AGBL4: variants seen among roughly 807,000 people sequenced by gnomAD.
AGBL4 encodes the protein AGBL carboxypeptidase 4, also known as cytosolic carboxypeptidase 6.
Under a neutral mutation model 66.4 loss-of-function variants are expected in AGBL4, and 58 were observed. The observed-to-expected ratio is 0.87, with a 90% CI of 0.71 to 1.09. The LOEUF (loss-of-function observed/expected upper bound fraction) is 1.09, where lower values mean the gene tolerates loss of function less well. Ranked by LOEUF, AGBL4 falls within the 50% of genes least tolerant of loss-of-function variation. AGBL4 has a pLI of 0.00. For synonymous variants in AGBL4, 234 were observed against 222.9 expected, an observed-to-expected ratio of 1.05 and a Z score of -0.44; for missense variants, 579 against 631.0, an observed-to-expected ratio of 0.92 and a Z score of 0.88.
rs373322073 is a variant in AGBL4 at position 48,852,402 on chromosome 1, T to C, written c.634+14789A>G. On this transcript the variant is annotated intron_variant, in intron 6 of 13. Transcript: ENST00000371839. The stretch of plus-strand genomic sequence containing the variant: ...TTTGATGATGTTTTAGACCAGAGCA[T>C]GAAGGATGTGTACCACCCTCCGTGA... 8.5e-5 allele frequency among the ~76,000 whole-genome samples: 13 copies of C among 152,274 alleles called. 1 individual carries two copies. The highest frequency in any genetic ancestry group is 3.1e-4 in the African/African-American group (13 of 41,554).
intron 2 of AGBL4, among the ~76,000 whole-genome samples, chr1:49,748,528 T>TAATGGGATGGCTGGGTCA (rs1651184921): frequency 6.6e-6 from 1 of 152,224 alleles, no homozygotes; most frequent in Non-Finnish European, 1.5e-5. Flanking sequence ...ATATACCCAG[T>TAATGGGATGGCTGGGTCA]AATGGGATGG....
chr1:49,681,865 T>G (rs1646700397), intron 3 of AGBL4, among the ~76,000 whole-genome samples: 1 of 152,122 alleles, frequency 6.6e-6, no homozygotes, highest in Non-Finnish European at 1.5e-5. Context: ...AGTAAAAGAG[T>G]AAATGCCATG....
intron 5 of AGBL4, among the ~76,000 whole-genome samples, chr1:48,917,665 T>G (rs1417386204): frequency 6.6e-6 from 1 of 152,266 alleles, no homozygotes; most frequent in South Asian, 2.1e-4. Context: ...CAGATTTATA[T>G]CAACAAATGT....
chr1:49,614,856 C>T (rs1271605873), intron 3 of AGBL4, among the ~76,000 whole-genome samples: 1 of 152,040 alleles, frequency 6.6e-6, no homozygotes, highest in Non-Finnish European at 1.5e-5. Flanking sequence ...TCTGTATCAA[C>T]CTTAAGGTGT....
Position 49,875,142 on chromosome 1 carries a change from TTAC to T in AGBL4, c.35-23627_35-23625del, listed in dbSNP as rs1362137440. 4.1e-5 allele frequency among the ~76,000 whole-genome samples: 6 copies of T among 146,284 alleles called. No individual in the cohort carries two copies. In the South Asian group the frequency reaches 1.3e-3, roughly 32 times the overall value. ...ATTTCCAATTTCTTTTTTTTTATTA[TTAC>T]TATTATTATTATTATTATTTTTAAT... On this transcript the variant is annotated intron_variant, in intron 1 of 13. Transcript: ENST00000371839.
At chr1:48,879,448 T>C (rs931628260) in intron 5 of AGBL4, among the ~76,000 whole-genome samples, 2 of 152,094 alleles carry the variant, frequency 1.3e-5, no homozygotes, top group African/African-American at 4.8e-5. Context: ...CAGAATATTC[T>C]AAAATTCCCT....
chr1:50,003,196 T>C (rs916695192), intron 1 of AGBL4, among the ~76,000 whole-genome samples: 1 of 152,204 alleles, frequency 6.6e-6, no homozygotes, highest in African/African-American at 2.4e-5. Flanking sequence ...TAAAGCTATA[T>C]AAAAGTTAAC....
intron 4 of AGBL4, among the ~76,000 whole-genome samples, chr1:49,062,892 G>T (rs939129546): frequency 6.6e-6 from 1 of 152,050 alleles, no homozygotes; most frequent in Non-Finnish European, 1.5e-5. Context: ...CTACACTATT[G>T]ATCTTCACAC....
chr1:49,450,044 C>G (rs375055963), intron 3 of AGBL4, among the ~76,000 whole-genome samples: 1 of 151,998 alleles, frequency 6.6e-6, no homozygotes, highest in African/African-American at 2.4e-5. Flanking sequence ...CCAACACACA[C>G]GAAATATTTC....
chr1:49,772,693 A>C (rs1328339051), intron 2 of AGBL4, among the ~76,000 whole-genome samples: 1 of 152,164 alleles, frequency 6.6e-6, no homozygotes, highest in Non-Finnish European at 1.5e-5. Context: ...GCTGGCTAGC[A>C]AGGTTTCTGC....
At chr1:48,661,091 G>C (rs1158219519) in intron 7 of AGBL4, among the ~76,000 whole-genome samples, 3 of 147,416 alleles carry the variant, frequency 2.0e-5, no homozygotes, top group African/African-American at 7.4e-5. Flanking sequence ...ACCAGCCCTA[G>C]ACCTTACACA....
intron 2 of AGBL4, among the ~76,000 whole-genome samples, chr1:49,788,469 T>A (rs1328676202): frequency 6.9e-6 from 1 of 145,726 alleles, no homozygotes; most frequent in Non-Finnish European, 1.5e-5. Context: ...ATGGCCCAGA[T>A]TTGGGCTTTT....
chr1:48,914,263 CTA>C (rs781116902), intron 5 of AGBL4, among the ~76,000 whole-genome samples: 1 of 152,100 alleles, frequency 6.6e-6, no homozygotes, highest in Non-Finnish European at 1.5e-5. Flanking sequence ...CAGCAGAATG[CTA>C]TGTCACAGTA....
At chr1:48,763,865 G>A (rs891643934) in intron 6 of AGBL4, among the ~76,000 whole-genome samples, 1 of 152,212 alleles carries the variant, frequency 6.6e-6, no homozygotes, top group African/African-American at 2.4e-5. Context: ...TAGGAATACA[G>A]GAGGGGCAGG....
intron 3 of AGBL4, among the ~76,000 whole-genome samples, chr1:49,276,553 G>A (rs1342247955): frequency 4.6e-5 from 7 of 152,170 alleles, no homozygotes; most frequent in Non-Finnish European, 8.8e-5. Context: ...GATACAGCCA[G>A]GCCTTCCCTT....
chr1:49,697,540 A>G (rs1647010497), intron 2 of AGBL4, 103 bp from the exon 3 acceptor site: 5 of 960,006 alleles, frequency 5.2e-6, no homozygotes, highest in African/African-American at 1.6e-5. Context: ...ATTTGTCAAC[A>G]TTCAGTACTT....
intron 5 of AGBL4, among the ~76,000 whole-genome samples, chr1:48,989,323 G>A (rs540637896): frequency 8.5e-4 from 129 of 151,982 alleles, no homozygotes; most frequent in African/African-American, 2.8e-3. Context: ...ATCACATCAA[G>A]GTAAATGGGG....
chr1:48,965,570 G>A (rs1456076951), intron 5 of AGBL4, among the ~76,000 whole-genome samples: 1 of 152,106 alleles, frequency 6.6e-6, no homozygotes, highest in East Asian at 1.9e-4. Flanking sequence ...GGATTTTTGG[G>A]CCACCCATAG....
intron 3 of AGBL4, among the ~76,000 whole-genome samples, chr1:49,356,931 G>A (rs1644032580): frequency 6.6e-6 from 1 of 152,184 alleles, no homozygotes; most frequent in South Asian, 2.1e-4. Context: ...CACATGTCCA[G>A]TAGGTTTTCA....
Sources: allele counts gnomAD v4.1 joint callset (sites outside exome capture counted in the v4.1 genomes callset), GRCh38; gene constraint gnomAD v4.1.1; transcripts MANE v1.5; gene names NCBI Gene and HGNC (gene_info 2026-07-23, HGNC 2026-07-21).